The following CPNE4 variants were observed in gnomAD, a reference collection of about 807,000 sequenced individuals.
The protein encoded by CPNE4 is copine-4.
A neutral mutation model predicts 67.9 loss-of-function variants in CPNE4; 25 were observed. The ratio of observed to expected loss-of-function variants is 0.37; its 90% confidence interval spans 0.27 to 0.51. CPNE4 has a LOEUF of 0.51. Ranked by LOEUF, CPNE4 falls within the 20% of genes least tolerant of loss-of-function variation. The probability of loss-of-function intolerance (pLI) is 0.93; values close to 1 mark genes in which losing one functional copy is unlikely to be tolerated. For synonymous variants in CPNE4, 242 were observed against 244.9 expected, an observed-to-expected ratio of 0.99 and a Z score of 0.11; for missense variants, 464 against 690.8, an observed-to-expected ratio of 0.67 and a Z score of 3.68.
intron 7 of CPNE4, among the ~76,000 whole-genome samples, chr3:131,611,305 C>A (rs1939827742): frequency 6.6e-6 from 1 of 152,148 alleles, no homozygotes; most frequent in South Asian, 2.1e-4. Flanking sequence ...AAATTTATCA[C>A]TATTTGCTAT....
At chr3:131,869,357 G>A (rs536920629) in intron 2 of CPNE4, among the ~76,000 whole-genome samples, 2 of 152,168 alleles carry the variant, frequency 1.3e-5, no homozygotes, top group East Asian at 3.9e-4. Flanking sequence ...AATATTTCAG[G>A]ATTTTATTAG....
intron 14 of CPNE4, among the ~76,000 whole-genome samples, chr3:131,548,370 A>G (rs1048390214): frequency 6.6e-6 from 1 of 152,066 alleles, no homozygotes; most frequent in Non-Finnish European, 1.5e-5. Flanking sequence ...CTTATTGTAG[A>G]GCTTCCATAT....
At chr3:131,905,679 T>C (rs2088721932) in intron 1 of CPNE4, among the ~76,000 whole-genome samples, 1 of 152,172 alleles carries the variant, frequency 6.6e-6, no homozygotes, top group Admixed American at 6.5e-5. Flanking sequence ...CTTTCTTGTA[T>C]GATTTGCATA....
At chr3:131,920,959 ATGGTCTGG>A (rs989633563) in intron 1 of CPNE4, among the ~76,000 whole-genome samples, 16 of 152,312 alleles carry the variant, frequency 1.1e-4, no homozygotes, top group African/African-American at 3.4e-4. Context: ...AAGATGTCTG[ATGGTCTGG>A]TATCCTTACA....
chr3:131,762,408 T>G (rs2107815925), intron 2 of CPNE4, among the ~76,000 whole-genome samples: 1 of 152,240 alleles, frequency 6.6e-6, no homozygotes, highest in South Asian at 2.1e-4. Flanking sequence ...GCAGGTAGTT[T>G]TATTCCCATT....
In CPNE4 at chr3:131,668,924, C is replaced by A. The variant is rs116347237; in HGVS notation, c.681+751G>T. Among the ~76,000 whole-genome samples, 555 of 152,226 alleles carry A rather than the reference C, an allele frequency of 3.6e-3. 5 individuals carry two copies. The highest frequency in any genetic ancestry group is 0.013 in the African/African-American group (528 of 41,546). On this transcript the variant is annotated intron_variant, in intron 7 of 15. Transcript: ENST00000429747. ...CACGATACTTTGGAGCTTCTTCCACCAAGAGATGTAGTCTATCTCCTTACC... is the reference window on the plus strand; with the variant it reads ...CACGATACTTTGGAGCTTCTTCCACAAAGAGATGTAGTCTATCTCCTTACC...
At chr3:131,801,332 C>A (rs1214018546) in intron 2 of CPNE4, among the ~76,000 whole-genome samples, 1 of 119,646 alleles carries the variant, frequency 8.4e-6, no homozygotes, top group Non-Finnish European at 1.6e-5. Context: ...CACTGGAAAC[C>A]ATACATATAT....
intron 1 of CPNE4, among the ~76,000 whole-genome samples, chr3:131,994,793 A>C (rs9809963): frequency 0.26 from 39,150 of 152,162 alleles, 6,187 homozygotes; most frequent in Admixed American, 0.39. Context: ...CTTTTCTATA[A>C]TGAGACTGTC....
At chr3:132,001,013 C>T (rs1257989089) in intron 1 of CPNE4, among the ~76,000 whole-genome samples, 1 of 151,858 alleles carries the variant, frequency 6.6e-6, no homozygotes, top group African/African-American at 2.4e-5. Flanking sequence ...CAGAACAAGC[C>T]CTCAACAAAA....
At chr3:131,785,794 G>A (rs919513498) in intron 2 of CPNE4, among the ~76,000 whole-genome samples, 1 of 151,822 alleles carries the variant, frequency 6.6e-6, no homozygotes, top group Admixed American at 6.6e-5. Context: ...TCAGGGTTTG[G>A]AGGTGTCCCT....
At chr3:131,952,942 C>G (rs931669467) in intron 1 of CPNE4, among the ~76,000 whole-genome samples, 4 of 151,894 alleles carry the variant, frequency 2.6e-5, no homozygotes, top group African/African-American at 4.8e-5. Flanking sequence ...GTGACCTTAC[C>G]CCCAACCCTG....
chr3:131,607,945 C>T (rs1939602269), intron 7 of CPNE4, among the ~76,000 whole-genome samples: 1 of 152,124 alleles, frequency 6.6e-6, no homozygotes, highest in Non-Finnish European at 1.5e-5. Context: ...TTGCATTAAG[C>T]TGACAGCAGC....
At chr3:131,618,918 T>C (rs1940313221) in intron 7 of CPNE4, among the ~76,000 whole-genome samples, 1 of 152,090 alleles carries the variant, frequency 6.6e-6, no homozygotes, top group South Asian at 2.1e-4. Context: ...GGGGTGTTAG[T>C]CTAGGGATAT....
chr3:131,837,518 C>T (rs2085605566), intron 2 of CPNE4, among the ~76,000 whole-genome samples: 2 of 151,898 alleles, frequency 1.3e-5, no homozygotes, highest in Admixed American at 1.3e-4. Flanking sequence ...ATTAGTGATG[C>T]CAAAGTTGTG....
rs184015472 is a variant in CPNE4 at position 131,836,162 on chromosome 3, A to G, written c.180+69102T>C. Among the ~76,000 whole-genome samples the G allele has an allele frequency of 5.1e-4, 78 of 152,266 alleles. No homozygotes were observed. The East Asian group carries it at 0.013, about 26-fold the overall frequency. ...TCAGAATAGCATTTTTAAAGGCTTT[A>G]AAAAATGAAACTGAGAGTTGAACCA... is the stretch of plus-strand genomic sequence containing the variant. On this transcript the variant is annotated intron_variant, in intron 2 of 15. Coordinates refer to ENST00000429747, the MANE Select transcript of CPNE4 (RefSeq NM_130808.3).
At chr3:131,966,706 G>A (rs1004603215) in intron 1 of CPNE4, among the ~76,000 whole-genome samples, 4 of 152,148 alleles carry the variant, frequency 2.6e-5, no homozygotes, top group Non-Finnish European at 5.9e-5. Flanking sequence ...CCAATAATGA[G>A]TTCTGAAATT....
At chr3:131,691,799 T>A in intron 5 of CPNE4, among the ~76,000 whole-genome samples, 1 of 152,020 alleles carries the variant, frequency 6.6e-6, no homozygotes, top group East Asian at 1.9e-4. Context: ...ATATCAGGGG[T>A]GATTACTATT....
At chr3:131,672,311 T>C (rs76028213) in intron 6 of CPNE4, among the ~76,000 whole-genome samples, 1,761 of 152,230 alleles carry the variant, frequency 0.012, 32 homozygotes, top group African/African-American at 0.04. Flanking sequence ...ATATCTCCTG[T>C]ATATACTGAT....
intron 11 of CPNE4, among the ~76,000 whole-genome samples, chr3:131,563,377 T>C (rs1056742769): frequency 6.6e-6 from 1 of 152,072 alleles, no homozygotes; most frequent in African/African-American, 2.4e-5. Flanking sequence ...CAAAAAGCTT[T>C]CCTTATGCAT....
Sources: allele counts gnomAD v4.1 joint callset (sites outside exome capture counted in the v4.1 genomes callset), GRCh38; gene constraint gnomAD v4.1.1; transcripts MANE v1.5; gene names NCBI Gene and HGNC (gene_info 2026-07-23, HGNC 2026-07-21).